Variants in USP39 observed in about 807,000 individuals in gnomAD.
USP39 encodes the protein ubiquitin specific peptidase 39, also known as ubiquitin carboxyl-terminal hydrolase 39.
USP39 carries 38 observed loss-of-function variants against 66.4 expected under a neutral mutation model. That is an observed-to-expected ratio of 0.57 (90% CI 0.44 to 0.75). The LOEUF is 0.75. USP39 is among the 30% of genes least tolerant of loss of function. The probability of loss-of-function intolerance (pLI) is 0.00; values close to 1 mark genes in which losing one functional copy is unlikely to be tolerated. For missense variants in USP39, 608 were observed against 714.4 expected, an observed-to-expected ratio of 0.85 and a Z score of 1.70; for synonymous variants, 303 against 274.6, an observed-to-expected ratio of 1.10 and a Z score of -1.02.
upstream of USP39, chr2:85,612,013 G>A: frequency 1.4e-6 from 2 of 1,438,528 alleles, no homozygotes; most frequent in Non-Finnish European, 1.8e-6. Flanking sequence ...AGTCGCCGCC[G>A]CCTCGACGGC....
At chr2:85,603,568 TTTC>T (rs1673085433) in intron 1 of USP39, among the ~76,000 whole-genome samples, 1 of 152,034 alleles carries the variant, frequency 6.6e-6, no homozygotes, top group Non-Finnish European at 1.5e-5. Context: ...TTCCTGGATG[TTTC>T]TTTTTTTTTT....
intron 7 of USP39, 48 bp downstream of exon 7, chr2:85,636,178 A>G: frequency 8.8e-6 from 14 of 1,589,010 alleles, no homozygotes; most frequent in Non-Finnish European, 1.2e-5. Flanking sequence ...CCTTTTAAAA[A>G]ACTTTGCGGT....
At chr2:85,632,294 G>T (rs1395687422) in intron 6 of USP39, among the ~76,000 whole-genome samples, 2 of 152,110 alleles carry the variant, frequency 1.3e-5, no homozygotes, top group East Asian at 1.9e-4. Flanking sequence ...GCTGGCAGAA[G>T]CCTGTGGTCT....
At chr2:85,628,494 G>A (rs1675056659) in intron 5 of USP39, among the ~76,000 whole-genome samples, 1 of 152,132 alleles carries the variant, frequency 6.6e-6, no homozygotes, top group Non-Finnish European at 1.5e-5. Context: ...TTTGGTCAGA[G>A]CTGTTAGTCT....
chr2:85,629,805 TC>T, intron 5 of USP39, among the ~76,000 whole-genome samples: 1 of 152,232 alleles, frequency 6.6e-6, no homozygotes, highest in African/African-American at 2.4e-5. Flanking sequence ...CCGACCATTT[TC>T]CGTCATAACA....
chr2:85,613,309 C>T (rs1673696005), upstream of USP39, among the ~76,000 whole-genome samples: 1 of 152,114 alleles, frequency 6.6e-6, no homozygotes, highest in African/African-American at 2.4e-5. Flanking sequence ...GAGTTCGAGA[C>T]TAGCCTGGCC....
intron 1 of USP39, among the ~76,000 whole-genome samples, chr2:85,605,716 C>A (rs1215551795): frequency 6.6e-6 from 1 of 152,184 alleles, no homozygotes; most frequent in Non-Finnish European, 1.5e-5. Context: ...GATCCATTAC[C>A]TAGCCATTCA....
chr2:85,616,367 A>G lies in USP39; in HGVS notation c.172A>G (p.Ser58Gly), dbSNP rs1384721810. 4 of 1,601,320 alleles carry G rather than the reference A, an allele frequency of 2.5e-6. No homozygotes were observed. The Admixed American group carries it at 5.1e-5, about 20-fold the overall frequency. ...CGTGAAGCGGGAGTTCGAGCCGGCGAGCGCGCGCGAGGCCCCGGCTTCTGT... is the reference window on the plus strand; with the variant it reads ...CGTGAAGCGGGAGTTCGAGCCGGCGGGCGCGCGCGAGGCCCCGGCTTCTGT... The part of the protein sequence containing the change: ...VRVKREFEPA[S>G]AREAPASVVP... Residue 58 changes from serine (S) to glycine (G), a missense_variant, in exon 1 of 13, where the codon AGC becomes GGC. This residue lies in a region of USP39 where 207 missense variants were observed against 145.7 expected (regional missense o/e 1.42). Coordinates refer to ENST00000323701, the MANE Select transcript of USP39 (RefSeq NM_006590.4).
At chr2:85,646,883 CTTTTTTT>C (rs773751290) in intron 11 of USP39, among the ~76,000 whole-genome samples, 2 of 108,534 alleles carry the variant, frequency 1.8e-5, no homozygotes, top group African/African-American at 7.2e-5. Context: ...TGACCTGTTG[CTTTTTTT>C]TTTTTTTTTT....
chr2:85,641,370 T>A (rs1051011700), intron 10 of USP39, among the ~76,000 whole-genome samples: 1 of 152,218 alleles, frequency 6.6e-6, no homozygotes, highest in Non-Finnish European at 1.5e-5. Flanking sequence ...TCTTCCTGCG[T>A]AGAGAAGAAG....
intron 3 of USP39, 34 bp downstream of exon 3, chr2:85,621,613 C>T (rs1219303435): frequency 1.3e-6 from 2 of 1,493,884 alleles, no homozygotes; most frequent in Admixed American, 2.2e-5. Context: ...TGCAGATCTG[C>T]TCCAGAGGGA....
At chr2:85,630,079 T>C (rs116627175) in intron 5 of USP39, among the ~76,000 whole-genome samples, 2,528 of 152,260 alleles carry the variant, frequency 0.017, 66 homozygotes, top group African/African-American at 0.058. Context: ...AAGCAGTGTA[T>C]ACTGTACCCA....
intron 6 of USP39, among the ~76,000 whole-genome samples, chr2:85,634,222 T>C (rs945260147): frequency 6.6e-6 from 1 of 151,914 alleles, no homozygotes; most frequent in African/African-American, 2.4e-5. Flanking sequence ...GGAGCACTTG[T>C]TTCAGGGTTA....
At chr2:85,621,731 C>A in intron 3 of USP39, 152 bp downstream of exon 3, 1 of 658,306 alleles carries the variant, frequency 1.5e-6, no homozygotes, top group Non-Finnish European at 2.5e-6. Flanking sequence ...ATAAGAGGTT[C>A]TCTGACTGGT....
chr2:85,641,920 AAAAAAAAAAG>A (rs1393145335), intron 10 of USP39, among the ~76,000 whole-genome samples: 2 of 150,120 alleles, frequency 1.3e-5, no homozygotes, highest in East Asian at 1.9e-4. Flanking sequence ...AAAAAAAAAA[AAAAAAAAAAG>A]AAAGAAAGAA....
chr2:85,629,777 A>G (rs1159616609), intron 5 of USP39, among the ~76,000 whole-genome samples: 1 of 152,080 alleles, frequency 6.6e-6, no homozygotes, highest in Non-Finnish European at 1.5e-5. Flanking sequence ...GATTACAGGC[A>G]TGAGCCACCT....
intron 11 of USP39, among the ~76,000 whole-genome samples, chr2:85,645,543 A>G (rs1676580797): frequency 6.6e-6 from 1 of 152,044 alleles, no homozygotes; most frequent in Non-Finnish European, 1.5e-5. Context: ...CGGCCTCCCA[A>G]AGTGTTGGGA....
chr2:85,622,676 T>G (rs561529991), intron 3 of USP39, among the ~76,000 whole-genome samples: 41 of 152,118 alleles, frequency 2.7e-4, no homozygotes, highest in Admixed American at 2.5e-3. Flanking sequence ...ATTCCATTTT[T>G]TTCTGAAAAT....
chr2:85,634,132 C>T (rs1461434786), intron 6 of USP39, among the ~76,000 whole-genome samples: 16 of 151,644 alleles, frequency 1.1e-4, no homozygotes, highest in Admixed American at 8.5e-4. Context: ...CCACCACGCC[C>T]GGCCGAGTAG....
Sources: allele counts gnomAD v4.1 joint callset (sites outside exome capture counted in the v4.1 genomes callset), GRCh38; gene constraint gnomAD v4.1.1; regional missense constraint gnomAD v4.1.1; transcripts MANE v1.5; gene names NCBI Gene and HGNC (gene_info 2026-07-23, HGNC 2026-07-21).